SLC47A1: variants seen among roughly 807,000 people sequenced by gnomAD.
SLC47A1 encodes the protein multidrug and toxin extrusion protein 1.
A neutral mutation model predicts 65.8 loss-of-function variants in SLC47A1; 58 were observed. The ratio of observed to expected loss-of-function variants is 0.88; its 90% confidence interval spans 0.71 to 1.10. The LOEUF (loss-of-function observed/expected upper bound fraction) is 1.10, where lower values mean the gene tolerates loss of function less well. SLC47A1 is among the 50% of genes least tolerant of loss of function. The pLI, the probability that SLC47A1 is intolerant of heterozygous loss-of-function variation, is 0.00. For synonymous variants in SLC47A1, 285 were observed against 295.0 expected (o/e 0.97, Z 0.35); for missense variants, 706 against 719.2 (o/e 0.98, Z 0.21).
chr17:19,546,439 T>TTGCAGACAC lies in SLC47A1; in HGVS notation c.242_243insTGCAGACAC (p.Ile81_Asn82insAlaAspThr), dbSNP rs752334072. ...TATCTTTGGGTTTATTTGCAGGTTA[T>TTGCAGACAC]CAATGTCACTGGTGTCTCAGTGGGA... On this transcript the variant is annotated inframe_insertion, in exon 3 of 17. Coordinates refer to ENST00000270570, the MANE Select transcript of SLC47A1 (RefSeq NM_018242.3). The TTGCAGACAC allele has an allele frequency of 1.5e-5, 25 of 1,613,778 alleles. No homozygotes were observed. Among genetic ancestry groups the TTGCAGACAC allele is most frequent in the Middle Eastern group, 3.3e-4 (2 of 6,084 alleles).
At chr17:19,549,573 C>CT in intron 4 of SLC47A1, 62 bp from the exon 5 acceptor site, 1 of 1,528,686 alleles carries the variant, frequency 6.5e-7, no homozygotes, top group Non-Finnish European at 9.0e-7. Context: ...TTCTGCCTAA[C>CT]TTTCCCTGGA....
intron 16 of SLC47A1, 35 bp from the exon 17 acceptor site, chr17:19,577,292 C>T (rs1169266123): frequency 3.1e-5 from 50 of 1,589,624 alleles, no homozygotes; most frequent in Non-Finnish European, 4.3e-5. Context: ...AAAAAAAAAT[C>T]CCTTTTAAGC....
intron 15 of SLC47A1, 135 bp from the exon 16 acceptor site, chr17:19,572,645 A>G: frequency 1.3e-6 from 1 of 745,000 alleles, no homozygotes; most frequent in Non-Finnish European, 2.4e-6. Context: ...ATGAAAGATG[A>G]CCTGTGAATG....
At position 19,572,970 on chromosome 17, in the gene SLC47A1, G is replaced by C. The variant is rs941677450; in HGVS notation, c.1486+109G>C. ...TGCTATGAGCTCTCATTTAAATAGG[G>C]CAATAATGTTTCAGAAACACATGAT... On this transcript the variant is annotated intron_variant, in intron 16 of 16. Transcript: ENST00000270570. 5.7e-6 allele frequency: 5 copies of C among 872,298 alleles called. No homozygotes were observed. In the African/African-American group the frequency reaches 8.4e-5, roughly 15 times the overall value. The allele number at this position is 872,298 out of a possible 1,614,324, so 54.0% of individuals were successfully genotyped here.
chr17:19,566,747 C>G (rs1165944460), intron 12 of SLC47A1, 43 bp from the exon 13 acceptor site: 2 of 1,590,068 alleles, frequency 1.3e-6, no homozygotes, highest in East Asian at 4.5e-5. Flanking sequence ...ACTTCTTTCT[C>G]CACTTTGTCT....
intron 5 of SLC47A1, 89 bp downstream of exon 5, chr17:19,549,766 G>C: frequency 7.3e-7 from 1 of 1,365,042 alleles, no homozygotes; most frequent in Middle Eastern, 1.9e-4. Flanking sequence ...TATTGGCTCA[G>C]TCTTAGATGA....
chr17:19,540,686 T>A lies in SLC47A1; in HGVS notation c.136-1707T>A, dbSNP rs905305505. On this transcript the variant is annotated intron_variant, in intron 1 of 16. Transcript: ENST00000270570. ...CCACCCCACCCCCTTTTTATTCCCATCTTCTGTCTTATTTTGGCTTACGCA... is the reference window on the plus strand; with the variant it reads ...CCACCCCACCCCCTTTTTATTCCCAACTTCTGTCTTATTTTGGCTTACGCA... 4.6e-5 allele frequency among the ~76,000 whole-genome samples: 7 copies of A among 152,182 alleles called. No homozygotes were observed. The East Asian group carries it at 1.3e-3, about 29-fold the overall frequency.
Position 19,577,204 on chromosome 17 carries a change from T to C in SLC47A1, c.1487-123T>C. 6 of 1,322,718 alleles carry C rather than the reference T, an allele frequency of 4.5e-6. No individual in the cohort carries two copies. In the South Asian group the frequency reaches 9.1e-5, roughly 20 times the overall value. The allele number at this position is 1,322,718 out of a possible 1,614,324, so 81.9% of individuals were successfully genotyped here. A position where few individuals can be genotyped will look rare whatever the true frequency, so the allele number is the denominator to read the frequency against. On this transcript the variant is annotated intron_variant, in intron 16 of 16. Transcript: ENST00000270570. Reference sequence around the variant, plus strand: ...TAAGATTTCTTTTATTTATTCACTGTAGCAATAGTGTCCTGAATTAACTTT... The same window carrying C: ...TAAGATTTCTTTTATTTATTCACTGCAGCAATAGTGTCCTGAATTAACTTT...
At chr17:19,556,836 C>T (rs987137694) in intron 10 of SLC47A1, among the ~76,000 whole-genome samples, 1 of 152,176 alleles carries the variant, frequency 6.6e-6, no homozygotes, top group East Asian at 1.9e-4. Flanking sequence ...GGATTACAGG[C>T]GTGAGCCACC....
At position 19,577,958 on chromosome 17, in the gene SLC47A1, C is replaced by T. The variant is rs2084453715; in HGVS notation, c.*405C>T. 2.3e-6 allele frequency: 3 copies of T among 1,280,510 alleles called. No individual in the cohort carries two copies. In the African/African-American group the frequency reaches 4.6e-5, roughly 20 times the overall value. The allele number at this position is 1,280,510 out of a possible 1,614,324, so 79.3% of individuals were successfully genotyped here. On this transcript the variant is annotated 3_prime_UTR_variant, in exon 17 of 17. Coordinates refer to ENST00000270570, the MANE Select transcript of SLC47A1 (RefSeq NM_018242.3). ...TCCTTGGGCCTTAGATTACTATTCA[C>T]TGGGCAAATGGTATTTGTTTTTGTT...
chr17:19,574,967 G>A (rs2084428160), intron 16 of SLC47A1, among the ~76,000 whole-genome samples: 1 of 152,148 alleles, frequency 6.6e-6, no homozygotes, highest in Admixed American at 6.5e-5. Context: ...TACTACCGCT[G>A]TTGGGGTTGA....
intron 16 of SLC47A1, among the ~76,000 whole-genome samples, chr17:19,575,120 G>T (rs1366499664): frequency 2.7e-5 from 4 of 148,598 alleles, no homozygotes; most frequent in African/African-American, 7.4e-5. Flanking sequence ...ACCCAGGCTG[G>T]AGTGCAGTGG....
intron 1 of SLC47A1, among the ~76,000 whole-genome samples, chr17:19,537,560 G>T (rs1916023965): frequency 6.6e-6 from 1 of 152,190 alleles, no homozygotes; most frequent in African/African-American, 2.4e-5. Flanking sequence ...GTGAGGTCCG[G>T]CCCCCACGCC....
intron 4 of SLC47A1, among the ~76,000 whole-genome samples, chr17:19,548,902 G>A (rs1446723529): frequency 2.6e-5 from 4 of 152,114 alleles, no homozygotes; most frequent in Non-Finnish European, 5.9e-5. Context: ...TTGGGTAAGA[G>A]CTTTTAAAGC....
intron 1 of SLC47A1, among the ~76,000 whole-genome samples, chr17:19,541,098 A>C (rs1387414648): frequency 6.6e-6 from 1 of 152,040 alleles, no homozygotes; most frequent in Non-Finnish European, 1.5e-5. Flanking sequence ...TCAGCTCTAG[A>C]ACCTAAGTCA....
chr17:19,559,437 G>T (rs1384756892), intron 10 of SLC47A1, among the ~76,000 whole-genome samples: 1 of 152,218 alleles, frequency 6.6e-6, no homozygotes, highest in Admixed American at 6.5e-5. Flanking sequence ...TTGCAGGATC[G>T]TTTGAGCCCA....
At chr17:19,575,092 T>G (rs769272062) in intron 16 of SLC47A1, among the ~76,000 whole-genome samples, 264 of 121,602 alleles carry the variant, frequency 2.2e-3, no homozygotes, top group Non-Finnish European at 3.6e-3. Context: ...TTTTTCTCTC[T>G]TTCTCTCTTT....
At chr17:19,543,387 G>T (rs1175272342) in intron 2 of SLC47A1, among the ~76,000 whole-genome samples, 2 of 152,172 alleles carry the variant, frequency 1.3e-5, no homozygotes, top group Admixed American at 6.5e-5. Flanking sequence ...TGGGATTACA[G>T]GTGTGAGCCA....
chr17:19,551,561 C>T, intron 6 of SLC47A1, 93 bp downstream of exon 6: 4 of 1,165,942 alleles, frequency 3.4e-6, no homozygotes, highest in South Asian at 2.5e-5. Context: ...GACCAGGGAC[C>T]CCAGGGTGGA....
Sources: allele counts gnomAD v4.1 joint callset (sites outside exome capture counted in the v4.1 genomes callset), GRCh38; gene constraint gnomAD v4.1.1; transcripts MANE v1.5; gene names NCBI Gene and HGNC (gene_info 2026-07-23, HGNC 2026-07-21).